Variants in CCDC13 observed in about 807,000 individuals in gnomAD.
CCDC13 encodes coiled-coil domain-containing protein 13.
CCDC13 carries 70 observed loss-of-function variants against 87.3 expected under a neutral mutation model. That is an observed-to-expected ratio of 0.80 (90% CI 0.66 to 0.98). The LOEUF is 0.98. CCDC13 is among the 50% of genes least tolerant of loss of function. The pLI is 0.00. For synonymous variants in CCDC13, 317 were observed against 360.3 expected (o/e 0.88, Z 1.36); for missense variants, 842 against 892.0 (o/e 0.94, Z 0.71).
intron 13 of CCDC13, 32 bp from the exon 14 acceptor site, chr3:42,713,348 C>A: frequency 6.2e-7 from 1 of 1,609,652 alleles, no homozygotes; most frequent in Non-Finnish European, 8.5e-7. Flanking sequence ...ATGCTACATG[C>A]CCTGGCAGGC....
intron 13 of CCDC13, among the ~76,000 whole-genome samples, chr3:42,717,337 A>C (rs891025917): frequency 6.6e-5 from 10 of 151,750 alleles, no homozygotes; most frequent in Admixed American, 6.6e-4. Flanking sequence ...GAGACAGAAG[A>C]ATTGCTTGAA....
rs766887152 is a variant in CCDC13, at chr3:42,752,757, G to T, written c.371-40C>A. On this transcript the variant is annotated intron_variant, in intron 3 of 15. Transcript: ENST00000310232. ...ATGGTGAGGTCAATTAAAAACACAG[G>T]CATACACATCAAACTCATGCTCCAC... is the stretch of plus-strand genomic sequence containing the variant. 4.3e-6 allele frequency: 7 copies of T among 1,609,714 alleles called. No individual in the cohort carries two copies. In the African/African-American group the frequency reaches 9.3e-5, roughly 21 times the overall value.
chr3:42,717,983 T>C (rs1305668452), intron 13 of CCDC13: 2 of 152,210 alleles, frequency 1.3e-5, no homozygotes, highest in Non-Finnish European at 2.9e-5. Context: ...TGTGTTGTTA[T>C]TGCATAATAC....
At chr3:42,705,370 T>C (rs982454625), downstream of CCDC13, among the ~76,000 whole-genome samples, 2 of 152,152 alleles carry the variant, frequency 1.3e-5, no homozygotes, top group Non-Finnish European at 2.9e-5. Flanking sequence ...TGTTTAAGCC[T>C]GAGCCAGGCT....
intron 5 of CCDC13, 111 bp downstream of exon 5, chr3:42,751,825 T>G (rs1575323197): frequency 4.6e-6 from 4 of 877,470 alleles, no homozygotes; most frequent in Non-Finnish European, 7.3e-6. Context: ...GGCAGCGGGG[T>G]TGGGGGTTGG....
intron 6 of CCDC13, 107 bp from the exon 7 acceptor site, chr3:42,746,134 A>T: frequency 1.2e-6 from 1 of 825,556 alleles, no homozygotes; most frequent in Non-Finnish European, 2.0e-6. Flanking sequence ...CACCTACACG[A>T]TCTTCTTCCC....
intron 5 of CCDC13, among the ~76,000 whole-genome samples, chr3:42,748,076 C>CTT (rs200249855): frequency 6.8e-6 from 1 of 146,478 alleles, no homozygotes; most frequent in Admixed American, 6.8e-5. Context: ...TTAGCAATGT[C>CTT]TTTTTTTTTT....
intron 1 of CCDC13, among the ~76,000 whole-genome samples, chr3:42,761,754 T>G (rs1342888953): frequency 6.6e-6 from 1 of 152,200 alleles, no homozygotes; most frequent in Non-Finnish European, 1.5e-5. Flanking sequence ...GGCCTCTGTG[T>G]CCTTCTAGCC....
chr3:42,715,844 CT>C (rs1698418213), intron 13 of CCDC13, among the ~76,000 whole-genome samples: 1 of 152,138 alleles, frequency 6.6e-6, no homozygotes, highest in South Asian at 2.1e-4. Context: ...TGCCATTTCC[CT>C]TCTGCCTTCC....
chr3:42,746,460 C>G (rs892889932), intron 6 of CCDC13: 2 of 170,764 alleles, frequency 1.2e-5, no homozygotes, highest in Non-Finnish European at 2.5e-5. Flanking sequence ...CTGAGTGCAG[C>G]AAAAGGTGGG....
At chr3:42,737,266 T>G (rs1325300045) in intron 9 of CCDC13, among the ~76,000 whole-genome samples, 1 of 152,190 alleles carries the variant, frequency 6.6e-6, no homozygotes, top group African/African-American at 2.4e-5. Flanking sequence ...TGGCTGCATA[T>G]TATTCCATGG....
At chr3:42,726,191 GC>G (rs1251330304) in intron 13 of CCDC13, among the ~76,000 whole-genome samples, 1 of 152,050 alleles carries the variant, frequency 6.6e-6, no homozygotes, top group East Asian at 1.9e-4. Context: ...ACAGGTGCCT[GC>G]CACCACACCT....
chr3:42,752,102 G>T, intron 4 of CCDC13, 77 bp from the exon 5 acceptor site: 2 of 1,261,250 alleles, frequency 1.6e-6, no homozygotes, highest in Non-Finnish European at 2.3e-6. Flanking sequence ...GTGCCATTGT[G>T]TGTGTGGTTA....
chr3:42,733,654 A>G, intron 10 of CCDC13, 45 bp from the exon 11 acceptor site: 2 of 1,547,860 alleles, frequency 1.3e-6, no homozygotes, highest in African/African-American at 2.8e-5. Flanking sequence ...TTTGGCTCAG[A>G]GGCCTAGAGA....
At chr3:42,713,110 G>C in intron 14 of CCDC13, 52 bp downstream of exon 14, 1 of 1,584,802 alleles carries the variant, frequency 6.3e-7, no homozygotes, top group Non-Finnish European at 8.6e-7. Flanking sequence ...TCCTCTGTTA[G>C]CAGCAACACT....
intron 9 of CCDC13, among the ~76,000 whole-genome samples, chr3:42,738,019 T>C (rs895552546): frequency 2.6e-5 from 4 of 152,240 alleles, no homozygotes; most frequent in Non-Finnish European, 5.9e-5. Context: ...TCCTAGCTTT[T>C]CTTCTAGGGT....
At position 42,709,024 on chromosome 3, in the gene CCDC13, C is replaced by T. The variant is rs200174039; in HGVS notation, c.2104G>A (p.Val702Ile). 167 of 1,613,930 alleles carry T rather than the reference C, an allele frequency of 1.0e-4. 1 individual carries two copies. In the Admixed American group the frequency reaches 2.7e-3, roughly 26 times the overall value. The change falls in exon 16 of 16, where the codon GTC becomes ATC. Residue 702 changes from valine to isoleucine, a missense_variant. Physicochemically the swap from Val to Ile is conservative, Grantham distance 29. Transcript: ENST00000310232. ...TGCTGCCGCAGGGCCTGCAGGAAGACACTTTTCACCTGGCCCAGGATCTCA... is the reference window on the plus strand; with the variant it reads ...TGCTGCCGCAGGGCCTGCAGGAAGATACTTTTCACCTGGCCCAGGATCTCA... ...YHEILGQVKS[V>I]FLQALRQQKT...
intron 13 of CCDC13, among the ~76,000 whole-genome samples, chr3:42,714,976 T>C (rs956570181): frequency 3.9e-5 from 6 of 152,240 alleles, no homozygotes; most frequent in African/African-American, 1.4e-4. Flanking sequence ...GCGAGGTTCA[T>C]GTCCACATGT....
intron 8 of CCDC13, among the ~76,000 whole-genome samples, chr3:42,740,326 A>G (rs1699173703): frequency 6.6e-6 from 1 of 152,188 alleles, no homozygotes; most frequent in South Asian, 2.1e-4. Context: ...TTGCTTTGTC[A>G]GCTACCAACT....
Sources: allele counts gnomAD v4.1 joint callset (sites outside exome capture counted in the v4.1 genomes callset), GRCh38; gene constraint gnomAD v4.1.1; transcripts MANE v1.5; gene names NCBI Gene and HGNC (gene_info 2026-07-23, HGNC 2026-07-21).